The following NRG3 variants were observed in gnomAD, a reference collection of about 807,000 sequenced individuals.
NRG3 encodes the protein pro-neuregulin-3, membrane-bound isoform.
Under a neutral mutation model 66.9 loss-of-function variants are expected in NRG3, and 31 were observed. The observed-to-expected ratio is 0.46, with a 90% confidence interval of 0.35 to 0.63. The LOEUF is 0.63. Among genes scored for constraint, NRG3 ranks in the 20% least tolerant of loss-of-function variants. The pLI, the probability that NRG3 is intolerant of heterozygous loss-of-function variation, is 0.00. For synonymous variants in NRG3, 393 were observed against 359.4 expected, an observed-to-expected ratio of 1.09 and a Z score of -1.06; for missense variants, 910 against 878.9, an observed-to-expected ratio of 1.04 and a Z score of -0.45.
At chr10:82,588,465 A>G (rs955812247) in intron 2 of NRG3, among the ~76,000 whole-genome samples, 2 of 151,898 alleles carry the variant, frequency 1.3e-5, no homozygotes, top group African/African-American at 4.8e-5. Flanking sequence ...TGCTGGAGCC[A>G]TGGTTGTACA....
intron 4 of NRG3, among the ~76,000 whole-genome samples, chr10:82,874,909 G>T (rs1841671698): frequency 6.6e-6 from 1 of 152,176 alleles, no homozygotes; most frequent in African/African-American, 2.4e-5. Context: ...CCTTAGTTTT[G>T]AAGGTAATGT....
At chr10:82,262,912 A>C (rs1255056304) in intron 1 of NRG3, among the ~76,000 whole-genome samples, 4 of 152,202 alleles carry the variant, frequency 2.6e-5, no homozygotes, top group African/African-American at 7.2e-5. Context: ...TCTTAGCACT[A>C]ACCTAATTTT....
At chr10:82,947,350 T>G (rs192756837) in intron 4 of NRG3, among the ~76,000 whole-genome samples, 4 of 152,264 alleles carry the variant, frequency 2.6e-5, no homozygotes, top group South Asian at 4.2e-4. Flanking sequence ...TGATTATCCA[T>G]TTACCTGTTG....
intron 1 of NRG3, among the ~76,000 whole-genome samples, chr10:82,184,023 A>G (rs968582034): frequency 1.3e-5 from 2 of 152,136 alleles, no homozygotes; most frequent in African/African-American, 4.8e-5. Context: ...TACATGAGCA[A>G]TTAGGTAAGC....
chr10:81,985,045 G>A (rs2060471237), intron 1 of NRG3, among the ~76,000 whole-genome samples: 1 of 152,122 alleles, frequency 6.6e-6, no homozygotes, highest in African/African-American at 2.4e-5. Context: ...GACATATCAG[G>A]GAAGGGACCA....
chr10:82,861,617 C>G (rs1426722930), intron 3 of NRG3, among the ~76,000 whole-genome samples: 1 of 152,200 alleles, frequency 6.6e-6, no homozygotes, highest in East Asian at 1.9e-4. Context: ...CATCCGGAGG[C>G]AGAGCATTGA....
At chr10:82,079,644 C>T (rs2065282681) in intron 1 of NRG3, among the ~76,000 whole-genome samples, 1 of 152,306 alleles carries the variant, frequency 6.6e-6, no homozygotes, top group East Asian at 1.9e-4. Flanking sequence ...CACCCCCAAA[C>T]CCCTGGCAAT....
chr10:81,962,613 A>G (rs111262225), intron 1 of NRG3, among the ~76,000 whole-genome samples: 1,694 of 152,288 alleles, frequency 0.011, 29 homozygotes, highest in African/African-American at 0.033. Context: ...ATAACATTCT[A>G]CCCCAAAACT....
rs116392243 is a variant in NRG3, at chr10:82,867,752, G to A, written c.1054+2315G>A. Among the ~76,000 whole-genome samples the A allele has an allele frequency of 7.1e-3, 1,088 of 152,310 alleles. 11 individuals carry two copies. The highest frequency in any genetic ancestry group is 0.025 in the African/African-American group (1,023 of 41,558). The stretch of plus-strand genomic sequence containing the variant: ...GATGAGCAATTTCACTAAGCCAAGT[G>A]GAGGGTATAACTGGTGGAAGAGGAG... On this transcript the variant is annotated intron_variant, in intron 4 of 8. Coordinates refer to ENST00000372141, the MANE Select transcript of NRG3 (RefSeq NM_001010848.4).
At chr10:82,599,689 C>T (rs1050107116) in intron 2 of NRG3, among the ~76,000 whole-genome samples, 4 of 152,106 alleles carry the variant, frequency 2.6e-5, no homozygotes, top group East Asian at 1.9e-4. Context: ...TGGTGTTGCA[C>T]GCCTGTAATC....
At chr10:82,941,844 T>C (rs1264430123) in intron 4 of NRG3, among the ~76,000 whole-genome samples, 2 of 152,198 alleles carry the variant, frequency 1.3e-5, no homozygotes, top group African/African-American at 4.8e-5. Context: ...GAAAGGAGCC[T>C]CTGAGGTATA....
intron 7 of NRG3, among the ~76,000 whole-genome samples, chr10:82,978,179 A>G (rs1373163845): frequency 1.3e-5 from 2 of 152,146 alleles, no homozygotes; most frequent in African/African-American, 4.8e-5. Flanking sequence ...ACAGGTAATG[A>G]GTCTCATCAG....
At chr10:82,814,761 T>C (rs2061635228) in intron 3 of NRG3, among the ~76,000 whole-genome samples, 1 of 152,246 alleles carries the variant, frequency 6.6e-6, no homozygotes, top group Admixed American at 6.5e-5. Context: ...CTTTTATAAA[T>C]ATCATCTTAC....
intron 1 of NRG3, among the ~76,000 whole-genome samples, chr10:82,049,020 C>G (rs2063457370): frequency 1.3e-5 from 2 of 152,146 alleles, no homozygotes; most frequent in African/African-American, 4.8e-5. Flanking sequence ...AATTCCTCGA[C>G]ACATACACCC....
chr10:82,905,852 A>G (rs989485788), intron 4 of NRG3, among the ~76,000 whole-genome samples: 3 of 152,138 alleles, frequency 2.0e-5, no homozygotes, highest in East Asian at 1.9e-4. Context: ...TATCCAAGAT[A>G]TTAACAATGT....
At chr10:82,355,593 T>C (rs982295718) in intron 1 of NRG3, among the ~76,000 whole-genome samples, 5 of 147,246 alleles carry the variant, frequency 3.4e-5, no homozygotes, top group African/African-American at 7.7e-5. Flanking sequence ...ACAGTATGCT[T>C]ATTATTTAGT....
intron 3 of NRG3, among the ~76,000 whole-genome samples, chr10:82,865,143 G>A (rs191523201): frequency 1.6e-4 from 24 of 152,182 alleles, no homozygotes; most frequent in Admixed American, 6.5e-4. Flanking sequence ...TTTATACTTA[G>A]CATTCTTCAT....
At chr10:81,971,375 G>C (rs2059927305) in intron 1 of NRG3, among the ~76,000 whole-genome samples, 1 of 152,162 alleles carries the variant, frequency 6.6e-6, no homozygotes. Flanking sequence ...TAAGAGTTGA[G>C]ATGTAAAGTA....
At chr10:82,629,506 A>G (rs1439540966) in intron 2 of NRG3, among the ~76,000 whole-genome samples, 1 of 152,214 alleles carries the variant, frequency 6.6e-6, no homozygotes, top group Non-Finnish European at 1.5e-5. Flanking sequence ...TCTTAAATGA[A>G]ACATACACCA....
Sources: allele counts gnomAD v4.1 joint callset (sites outside exome capture counted in the v4.1 genomes callset), GRCh38; gene constraint gnomAD v4.1.1; transcripts MANE v1.5; gene names NCBI Gene and HGNC (gene_info 2026-07-23, HGNC 2026-07-21).